Variants in KCNH2 observed in about 807,000 individuals in gnomAD.
KCNH2 encodes voltage-gated inwardly rectifying potassium channel KCNH2.
KCNH2 carries 35 observed loss-of-function variants against 95.9 expected under a neutral mutation model. That is an observed-to-expected ratio of 0.37 (90% confidence interval 0.28 to 0.48). The LOEUF (loss-of-function observed/expected upper bound fraction) is 0.48. Among genes scored for constraint, KCNH2 ranks in the 20% least tolerant of loss-of-function variants. The pLI is 0.99. For missense variants in KCNH2, 1,274 were observed against 1,702.9 expected, an observed-to-expected ratio of 0.75 and a Z score of 4.43; for synonymous variants, 786 against 754.7, an observed-to-expected ratio of 1.04 and a Z score of -0.68.
chr7:150,970,264 CT>C (rs71533517), intron 2 of KCNH2, among the ~76,000 whole-genome samples: 36,652 of 149,028 alleles, frequency 0.25, 5,083 homozygotes, highest in East Asian at 0.43. Flanking sequence ...AGTCTCCCCC[CT>C]CACACACCCC....
Position 150,945,270 on chromosome 7 carries a change from C to T in KCNH2, c.*95G>A. ...GTGCTTTCGAGTTCCTCTCCCCTTC[C>T]ACGGTCAGGGCCTCCTGAGCAGGGC... On this transcript the variant is annotated 3_prime_UTR_variant, in exon 15 of 15. Transcript: ENST00000262186. The surrounding 1 kb of genome is among the most constrained non-coding windows in gnomAD (Gnocchi z 5.6). 3 of 1,376,804 alleles carry T rather than the reference C, an allele frequency of 2.2e-6. No individual in the cohort carries two copies. Among genetic ancestry groups the T allele is most frequent in the Non-Finnish European group, 2.9e-6 (3 of 1,019,542 alleles). The allele number at this position is 1,376,804 out of a possible 1,614,324, so 85.3% of individuals were successfully genotyped here.
chr7:150,948,215 A>G (rs1189705904), intron 11 of KCNH2, among the ~76,000 whole-genome samples: 1 of 152,128 alleles, frequency 6.6e-6, no homozygotes. Context: ...AAGTCCAAAA[A>G]GCCTAGGCTT....
At position 150,961,898 on chromosome 7, in the gene KCNH2, C is replaced by T. The variant is rs1407552432; in HGVS notation, c.308-2162G>A. Among the ~76,000 whole-genome samples, 4 of 152,100 alleles carry T rather than the reference C, an allele frequency of 2.6e-5. No individual in the cohort carries two copies. The highest frequency in any genetic ancestry group is 5.9e-5 in the Non-Finnish European group (4 of 68,024). On this transcript the variant is annotated intron_variant, in intron 2 of 14. Transcript: ENST00000262186. The surrounding 1 kb of genome is among the most constrained non-coding windows in gnomAD (Gnocchi z 6.2). ...CCCGCTGGGGATTCATCTAGGGGAA[C>T]GAGGTCTTCTGAAACCAGCTTAAAC...
In KCNH2 at chr7:150,977,835, C is replaced by T. The variant is rs779301847; in HGVS notation, c.76+3G>A. The T allele has an allele frequency of 5.2e-6, 8 of 1,545,454 alleles. No homozygotes were observed. The Admixed American group carries it at 8.5e-5, about 16-fold the overall frequency. ...TCCCCGCTCAGCCCCCTCCCCCACT[C>T]ACTCTGGCCCTCAAACTTGCGGATG... On this transcript the variant is annotated splice_donor_region_variant and intron_variant, in intron 1 of 14. Transcript: ENST00000262186.
intron 1 of KCNH2, among the ~76,000 whole-genome samples, 188 bp downstream of exon 1, chr7:150,977,650 C>A (rs1221774357): frequency 1.3e-5 from 2 of 151,936 alleles, no homozygotes; most frequent in East Asian, 3.9e-4. Flanking sequence ...CCCTTTGGCC[C>A]GGTGCCCACG....
intron 2 of KCNH2, among the ~76,000 whole-genome samples, chr7:150,965,638 T>A (rs1801683584): frequency 6.6e-6 from 1 of 150,952 alleles, no homozygotes; most frequent in South Asian, 2.1e-4. Context: ...TCTAGAAAGG[T>A]TTCCTTGACT....
intron 5 of KCNH2, among the ~76,000 whole-genome samples, chr7:150,955,222 G>C (rs1244630640): frequency 2.0e-5 from 3 of 152,248 alleles, no homozygotes; most frequent in Non-Finnish European, 4.4e-5. Flanking sequence ...GCCCAGCCTG[G>C]GAGGGAATGA....
chr7:150,962,103 G>A lies in KCNH2; in HGVS notation c.308-2367C>T, dbSNP rs1287864614. On this transcript the variant is annotated intron_variant, in intron 2 of 14. Coordinates refer to ENST00000262186, the MANE Select transcript of KCNH2 (RefSeq NM_000238.4). This position sits in a 1 kb window ranked among gnomAD's most constrained non-coding sequence, Gnocchi z 5.7. ...GACCTCTGGCCTCTGACACACAGCA[G>A]TGGTGTTGGAAGCTGCAGGGGGCTG... is the stretch of plus-strand genomic sequence containing the variant. Among the ~76,000 whole-genome samples the A allele has an allele frequency of 6.6e-6, 1 of 152,246 alleles. No homozygotes were observed. The highest frequency in any genetic ancestry group is 1.5e-5 in the Non-Finnish European group (1 of 68,048).
Position 150,958,450 on chromosome 7 carries a change from G to T in KCNH2, c.525C>A (p.Ala175=). Residue 175 remains alanine, a synonymous_variant, in exon 4 of 15, where the codon GCC becomes GCA. Coordinates refer to ENST00000262186, the MANE Select transcript of KCNH2 (RefSeq NM_000238.4). ...LKLPALLALT[A]RESSVRSGGA... is the part of the protein sequence containing the mutation. ...CGCCCGACCGCACCGACGACTCCCG[G>T]GCCGTCAGCGCCAGCAGCGCGGGCA... is the stretch of plus-strand genomic sequence containing the variant. The T allele has an allele frequency of 4.8e-6, 7 of 1,466,740 alleles. No individual in the cohort carries two copies. Among genetic ancestry groups the T allele is most frequent in the Non-Finnish European group, 6.3e-6 (7 of 1,115,788 alleles). The allele number at this position is 1,466,740 out of a possible 1,614,324, so 90.9% of individuals were successfully genotyped here. A position where few individuals can be genotyped will look rare whatever the true frequency, so the allele number is the denominator to read the frequency against.
chr7:150,960,016 C>G (rs1003325519), intron 2 of KCNH2, among the ~76,000 whole-genome samples: 2 of 152,188 alleles, frequency 1.3e-5, no homozygotes, highest in African/African-American at 4.8e-5. Flanking sequence ...TGCACTTTTT[C>G]TCACGCTGGC....
At chr7:150,953,580 T>C (rs1275119943) in intron 5 of KCNH2, among the ~76,000 whole-genome samples, 1 of 152,162 alleles carries the variant, frequency 6.6e-6, no homozygotes, top group African/African-American at 2.4e-5. Context: ...ACACAGCCCC[T>C]GTACCAGCTC....
Position 150,948,467 on chromosome 7 carries a change from G to C in KCNH2, c.2669C>G (p.Ser890Cys), listed in dbSNP as rs1801006181. The C allele has an allele frequency of 6.2e-7, 1 of 1,610,882 alleles. No homozygotes were observed. The highest frequency in any genetic ancestry group is 1.7e-5 in the Admixed American group (1 of 59,986). Residue 890 changes from serine to cysteine, a missense_variant, in exon 11 of 15, where the codon TCC (serine) becomes TGC (cysteine). Ser to Cys is a moderately radical substitution (Grantham distance 112, BLOSUM62 -1). Coordinates refer to ENST00000262186, the MANE Select transcript of KCNH2 (RefSeq NM_000238.4). ...GFSRQRKRKL[S>C]FRRRTDKDTE... ...ACCCTTGTCCGTGCGCCTGCGGAAG[G>C]ACAACTTGCGCTTGCGTTGCCGACT...
chr7:150,950,836 A>C, intron 8 of KCNH2, 85 bp downstream of exon 8: 1 of 1,402,486 alleles, frequency 7.1e-7, no homozygotes, highest in Non-Finnish European at 1.0e-6. Context: ...ACCGCCTGAG[A>C]CTTGTTTGCT....
chr7:150,955,804 C>T (rs1801353655), intron 5 of KCNH2: 6 of 1,154,544 alleles, frequency 5.2e-6, no homozygotes, highest in East Asian at 4.2e-5. Context: ...CGGCCGCACT[C>T]GGAACCTCAG....
rs75562728 is a variant in KCNH2, at chr7:150,970,781, T to C, written c.307+3930A>G. 4.8e-3 allele frequency among the ~76,000 whole-genome samples: 737 copies of C among 152,274 alleles called. 9 individuals carry two copies. The East Asian group carries it at 0.066, about 14-fold the overall frequency. On this transcript the variant is annotated intron_variant, in intron 2 of 14. Transcript: ENST00000262186. ...AAGGATAGGAACACCGCTGTCCCCATGATGAAGGGCGCTCCCCTGATAGCT... is the reference window on the plus strand; with the variant it reads ...AAGGATAGGAACACCGCTGTCCCCACGATGAAGGGCGCTCCCCTGATAGCT...
intron 2 of KCNH2, among the ~76,000 whole-genome samples, chr7:150,973,723 G>A (rs559159865): frequency 1.3e-5 from 2 of 152,332 alleles, no homozygotes; most frequent in Admixed American, 1.3e-4. Flanking sequence ...GGCACATGGG[G>A]CTGGCTGGCC....
chr7:150,959,530 G>C (rs990603426), intron 3 of KCNH2, 42 bp downstream of exon 3: 2 of 1,609,108 alleles, frequency 1.2e-6, no homozygotes, highest in Non-Finnish European at 1.7e-6. Context: ...AAAGAAATGA[G>C]ACCACGAACC....
In KCNH2 at chr7:150,949,101, G is replaced by A. The variant is rs376303355; in HGVS notation, c.2399-52C>T. On this transcript the variant is annotated intron_variant, in intron 9 of 14. Coordinates refer to ENST00000262186, the MANE Select transcript of KCNH2 (RefSeq NM_000238.4). The stretch of plus-strand genomic sequence containing the variant: ...CTCAGCCCCGGGGGGCGGCATCCAG[G>A]CAGCAGGCACCTTCTCCCGGCATCC... The A allele has an allele frequency of 2.0e-6, 3 of 1,529,338 alleles. No homozygotes were observed. In the African/African-American group the frequency reaches 4.1e-5, roughly 21 times the overall value. The allele number at this position is 1,529,338 out of a possible 1,614,324, so 94.7% of individuals were successfully genotyped here. A position where few individuals can be genotyped will look rare whatever the true frequency, so the allele number is the denominator to read the frequency against.
rs562875924 is a variant in KCNH2, at chr7:150,952,523, C to T, written c.1459G>A (p.Gly487Ser). 5.0e-5 allele frequency: 81 copies of T among 1,614,120 alleles called. No homozygotes were observed. The highest frequency in any genetic ancestry group is 2.4e-4 in the South Asian group (22 of 91,068). The part of the protein sequence containing the change: ...NANEEVVSHP[G>S]RIAVHYFKGW... ...TTGAAGTAGTGGACGGCGATGCGGC[C>T]GGGGTGGCTGACCACCTCCTCGTTG... Residue 487 changes from glycine to serine, a missense_variant, in exon 6 of 15, where the codon GGC (glycine) becomes AGC (serine). Physicochemically the swap from Gly to Ser is moderately conservative, Grantham distance 56 (BLOSUM62 0). This residue lies in a region of KCNH2 where 147 missense variants were observed against 344.4 expected (regional missense o/e 0.43). Transcript: ENST00000262186. The surrounding 1 kb of genome is among the most constrained non-coding windows in gnomAD (Gnocchi z 7.3).
Sources: allele counts gnomAD v4.1 joint callset (sites outside exome capture counted in the v4.1 genomes callset), GRCh38; gene constraint gnomAD v4.1.1; regional missense constraint gnomAD v4.1.1; non-coding constraint Gnocchi (gnomAD v3.1); transcripts MANE v1.5; gene names NCBI Gene and HGNC (gene_info 2026-07-23, HGNC 2026-07-21).